Variants in CNBD1 observed in about 807,000 individuals in gnomAD.
The protein encoded by CNBD1 is cyclic nucleotide binding domain containing 1.
Under a neutral mutation model 54.4 loss-of-function variants are expected in CNBD1, and 71 were observed. That is an observed-to-expected ratio of 1.30 (90% confidence interval 1.08 to 1.59). CNBD1 has a LOEUF of 1.59. Among genes scored for constraint, CNBD1 ranks in the 40% most tolerant of loss-of-function variants. The pLI is 0.00. For missense variants in CNBD1, 659 were observed against 518.0 expected, an observed-to-expected ratio of 1.27 and a Z score of -2.64; for synonymous variants, 182 against 170.7, an observed-to-expected ratio of 1.07 and a Z score of -0.51.
intron 4 of CNBD1, among the ~76,000 whole-genome samples, chr8:87,030,593 A>T (rs184523216): frequency 1.0e-3 from 156 of 152,168 alleles, no homozygotes; most frequent in African/African-American, 3.7e-3. Flanking sequence ...ATCTTCTAAA[A>T]TTTTTTTAAA....
rs375731161 is a variant in CNBD1 at position 86,917,155 on chromosome 8, A to T, written c.272+11961A>T. On this transcript the variant is annotated intron_variant, in intron 3 of 10. Transcript: ENST00000518476. ...AGACTCTGTCTCAAAAAAGAAAAAA[A>T]AAGAATATCTAGATAGTTATTGAGG... Among the ~76,000 whole-genome samples, 6 of 114,380 alleles carry T rather than the reference A, an allele frequency of 5.2e-5. No homozygotes were observed. The South Asian group carries it at 2.1e-3, about 39-fold the overall frequency. The allele number at this position is 114,380 out of a possible 152,430, so 75.0% of individuals were successfully genotyped here. A position where few individuals can be genotyped will look rare whatever the true frequency, so the allele number is the denominator to read the frequency against.
At chr8:86,944,328 C>A (rs1006675527) in intron 4 of CNBD1, among the ~76,000 whole-genome samples, 2 of 152,140 alleles carry the variant, frequency 1.3e-5, no homozygotes, top group Non-Finnish European at 2.9e-5. Flanking sequence ...TGGGAACACA[C>A]AATATCTTTG....
chr8:87,084,640 G>A (rs948992630), intron 4 of CNBD1, among the ~76,000 whole-genome samples: 16 of 150,932 alleles, frequency 1.1e-4, no homozygotes, highest in African/African-American at 3.6e-4. Flanking sequence ...CTTTTCTTTA[G>A]TCTTCGTATG....
intron 10 of CNBD1, among the ~76,000 whole-genome samples, chr8:87,379,178 G>C (rs201745647): frequency 0.018 from 2,793 of 151,574 alleles, 87 homozygotes; most frequent in African/African-American, 0.061. Context: ...CTGGCCAGAA[G>C]TTCCAACACT....
intron 4 of CNBD1, among the ~76,000 whole-genome samples, chr8:87,147,594 A>C (rs948102387): frequency 1.3e-5 from 2 of 152,148 alleles, no homozygotes; most frequent in African/African-American, 4.8e-5. Flanking sequence ...TAATGCTCAG[A>C]GTAATTTCTA....
chr8:87,140,520 C>T (rs1252119762), intron 4 of CNBD1, among the ~76,000 whole-genome samples: 2 of 152,026 alleles, frequency 1.3e-5, no homozygotes, highest in Non-Finnish European at 2.9e-5. Flanking sequence ...GGAAAAGAGC[C>T]TTGATGGCTT....
At chr8:87,353,610 A>G in intron 9 of CNBD1, 26 bp from the exon 10 acceptor site, 5 of 1,460,022 alleles carry the variant, frequency 3.4e-6, no homozygotes, top group African/African-American at 1.4e-5. Context: ...GTTGCATTAA[A>G]CATCAATAAT....
At chr8:87,126,378 G>A (rs975423458) in intron 4 of CNBD1, among the ~76,000 whole-genome samples, 1 of 151,920 alleles carries the variant, frequency 6.6e-6, no homozygotes, top group Non-Finnish European at 1.5e-5. Flanking sequence ...GTTTGAATTT[G>A]CATTTTCCTA....
chr8:87,425,966 G>T (rs573756662), intron 2 of CNBD1, among the ~76,000 whole-genome samples: 1 of 152,332 alleles, frequency 6.6e-6, no homozygotes, highest in East Asian at 1.9e-4. Flanking sequence ...CTAGCAATCA[G>T]CGAGACTCAG....
intron 4 of CNBD1, among the ~76,000 whole-genome samples, chr8:87,194,430 A>G (rs1026638383): frequency 6.6e-6 from 1 of 152,204 alleles, no homozygotes; most frequent in African/African-American, 2.4e-5. Context: ...AGAATCACTT[A>G]TAATCTTGGC....
intron 4 of CNBD1, among the ~76,000 whole-genome samples, chr8:86,944,729 C>T (rs1807424808): frequency 6.6e-6 from 1 of 152,166 alleles, no homozygotes; most frequent in Non-Finnish European, 1.5e-5. Flanking sequence ...TTTAGGGTCT[C>T]ATAGCCCATG....
intron 1 of CNBD1, among the ~76,000 whole-genome samples, chr8:86,881,359 T>A (rs35504771): frequency 0.11 from 16,999 of 152,104 alleles, 1,198 homozygotes; most frequent in African/African-American, 0.21. Context: ...TTGCTAGCAT[T>A]CCTATACGCC....
chr8:86,880,691 G>A (rs1169377488), intron 1 of CNBD1, among the ~76,000 whole-genome samples: 2 of 152,090 alleles, frequency 1.3e-5, no homozygotes, highest in Non-Finnish European at 2.9e-5. Flanking sequence ...GGTAGAATAA[G>A]ATCTCAAGAT....
intron 6 of CNBD1, among the ~76,000 whole-genome samples, chr8:87,275,188 A>T (rs1808449881): frequency 7.1e-6 from 1 of 141,238 alleles, no homozygotes; most frequent in Non-Finnish European, 1.5e-5. Context: ...CTTGTAGTAT[A>T]GTTTGAAGTC....
At chr8:87,014,367 C>G (rs1809308799) in intron 4 of CNBD1, among the ~76,000 whole-genome samples, 1 of 151,308 alleles carries the variant, frequency 6.6e-6, no homozygotes, top group African/African-American at 2.4e-5. Flanking sequence ...AACGATAAAA[C>G]CCAGCCCAAG....
chr8:87,005,572 TTTA>T (rs1431020528), intron 4 of CNBD1, among the ~76,000 whole-genome samples: 17 of 151,784 alleles, frequency 1.1e-4, no homozygotes, highest in Non-Finnish European at 1.5e-5. Flanking sequence ...TGCTTGCCTA[TTTA>T]TTAAGAAATA....
At chr8:86,983,650 T>C (rs564370369) in intron 4 of CNBD1, among the ~76,000 whole-genome samples, 17 of 152,246 alleles carry the variant, frequency 1.1e-4, no homozygotes, top group Admixed American at 7.9e-4. Context: ...CAAAGACAAC[T>C]CTTGTTATGT....
At chr8:87,309,791 T>G (rs1051967767) in intron 8 of CNBD1, among the ~76,000 whole-genome samples, 1 of 152,062 alleles carries the variant, frequency 6.6e-6, no homozygotes, top group Non-Finnish European at 1.5e-5. Context: ...ACTTCTGTTA[T>G]CCTCTTTCTT....
chr8:87,254,348 G>T (rs988762851), intron 6 of CNBD1, among the ~76,000 whole-genome samples: 1 of 152,204 alleles, frequency 6.6e-6, no homozygotes, highest in African/African-American at 2.4e-5. Context: ...TTTCAGTGCT[G>T]TGTAGCTTAT....
Sources: gnomAD v4.1 joint callset for allele counts (sites outside exome capture counted in the v4.1 genomes callset) on GRCh38, gnomAD v4.1.1 for gene constraint, MANE v1.5 for transcripts, NCBI Gene and HGNC (gene_info 2026-07-23, HGNC 2026-07-21) for gene names.